Variants in COL12A1 observed in about 807,000 individuals in gnomAD.
COL12A1 encodes the protein collagen alpha-1(XII) chain.
Under a neutral mutation model 349.7 loss-of-function variants are expected in COL12A1, and 114 were observed. The observed-to-expected ratio is 0.33, with a 90% confidence interval of 0.28 to 0.38. The LOEUF is 0.38. Among genes scored for constraint, COL12A1 ranks in the 10% least tolerant of loss-of-function variants. COL12A1 has a pLI of 1.00. For missense variants in COL12A1, 3,284 were observed against 3,756.9 expected (o/e 0.87, Z 3.29); for synonymous variants, 1,369 against 1,329.0 (o/e 1.03, Z -0.66).
intron 49 of COL12A1, among the ~76,000 whole-genome samples, chr6:75,115,469 A>G (rs540418542): frequency 6.6e-6 from 1 of 152,178 alleles, no homozygotes; most frequent in African/African-American, 2.4e-5. Flanking sequence ...CCACAGAGAG[A>G]GATGTTCAAA....
chr6:75,165,887 A>G (rs1768273068), intron 13 of COL12A1, 108 bp from the exon 14 acceptor site: 3 of 1,122,594 alleles, frequency 2.7e-6, no homozygotes, highest in Non-Finnish European at 3.8e-6. Context: ...CTCACACTCA[A>G]TTTGTCTAAA....
rs1400428733 is a variant in COL12A1, at chr6:75,189,256, T to C, written c.784A>G (p.Arg262Gly). ...TCAACTCCAACATTACGAAGCTCTCTTGCTGGAATTTCCACTTCATCCTGG... is the reference window on the plus strand; with the variant it reads ...TCAACTCCAACATTACGAAGCTCTCCTGCTGGAATTTCCACTTCATCCTGG... ...KSQDEVEIPARELRNVGVEVF... is the reference protein window; with the variant it reads ...KSQDEVEIPAGELRNVGVEVF... The change falls in exon 7 of 66, where the codon AGA (arginine) becomes GGA (glycine). Residue 262 changes from arginine (R) to glycine (G), a missense_variant. Coordinates refer to ENST00000322507, the MANE Select transcript of COL12A1 (RefSeq NM_004370.6). 8 of 1,613,088 alleles carry C rather than the reference T, an allele frequency of 5.0e-6. No homozygotes were observed. The highest frequency in any genetic ancestry group is 6.8e-6 in the Non-Finnish European group (8 of 1,179,398).
intron 2 of COL12A1, among the ~76,000 whole-genome samples, chr6:75,197,455 G>A (rs983890295): frequency 1.3e-5 from 2 of 151,932 alleles, no homozygotes; most frequent in South Asian, 4.2e-4. Flanking sequence ...AAGGATTACA[G>A]GCGTGCTCCA....
rs756867394 is a variant in COL12A1, at chr6:75,131,014, C to T, written c.5938-33G>A. The T allele has an allele frequency of 1.9e-5, 30 of 1,613,628 alleles. 1 individual carries two copies. In the South Asian group the frequency reaches 3.3e-4, roughly 18 times the overall value. On this transcript the variant is annotated intron_variant, in intron 35 of 65. Coordinates refer to ENST00000322507, the MANE Select transcript of COL12A1 (RefSeq NM_004370.6). ...AGAGGAAATGCCAAATTCTGCCTGA[C>T]AACAACTCAAATGCTTACCAAGTCT... is the stretch of plus-strand genomic sequence containing the variant.
At position 75,134,804 on chromosome 6, in the gene COL12A1, C is replaced by T. The variant is rs754249017; in HGVS notation, c.5446G>A (p.Asp1816Asn). ...NSVVLQKLKPDTPYTITVSSL... is the reference protein window; with the variant it reads ...NSVVLQKLKPNTPYTITVSSL... Reference sequence around the variant, plus strand: ...GATACGGTGATAGTGTAAGGAGTGTCTGGCTTCAGTTTCTGCAGGACCACA... The same window carrying T: ...GATACGGTGATAGTGTAAGGAGTGTTTGGCTTCAGTTTCTGCAGGACCACA... The change falls in exon 32 of 66, where the codon GAC becomes AAC. Residue 1816 changes from aspartate to asparagine, a missense_variant. By Grantham distance (23) the Asp-to-Asn change is conservative. Transcript: ENST00000322507. 1.2e-6 allele frequency: 2 copies of T among 1,613,346 alleles called. No individual in the cohort carries two copies. Among genetic ancestry groups the T allele is most frequent in the Admixed American group, 1.7e-5 (1 of 59,996 alleles).
chr6:75,162,643 A>G (rs941054641), intron 14 of COL12A1, among the ~76,000 whole-genome samples: 2 of 152,232 alleles, frequency 1.3e-5, no homozygotes, highest in Admixed American at 6.5e-5. Context: ...ATGGCAATAA[A>G]AGCCAAAATA....
chr6:75,127,768 A>T (rs1015370876), intron 38 of COL12A1, among the ~76,000 whole-genome samples: 2 of 152,194 alleles, frequency 1.3e-5, no homozygotes, highest in Admixed American at 1.3e-4. Context: ...TACCACCAGT[A>T]TAGTGTAAAA....
chr6:75,191,048 A>T (rs187650683), intron 5 of COL12A1, among the ~76,000 whole-genome samples: 34 of 152,006 alleles, frequency 2.2e-4, no homozygotes, highest in African/African-American at 8.0e-4. Flanking sequence ...CCCCTTAAGG[A>T]TCTATCCCCA....
At chr6:75,115,690 A>C (rs1769040442) in intron 49 of COL12A1, 94 bp downstream of exon 49, 1 of 1,459,540 alleles carries the variant, frequency 6.9e-7, no homozygotes, top group South Asian at 1.4e-5. Context: ...TCTTCTGACA[A>C]TTCTAAAGTC....
chr6:75,189,232 C>T lies in COL12A1; in HGVS notation c.808G>A (p.Glu270Lys), dbSNP rs747534736. Residue 270 changes from glutamate (E) to lysine (K), a missense_variant, in exon 7 of 66, where the codon GAA becomes AAA. Physicochemically the swap from Glu to Lys is moderately conservative, Grantham distance 56. Transcript: ENST00000322507. ...CTTAACCTACCCAAGGAGAAAACTT[C>T]AACTCCAACATTACGAAGCTCTCTT... is the stretch of plus-strand genomic sequence containing the variant. ...PARELRNVGVEVFSLGIKAAD... is the reference protein window; with the variant it reads ...PARELRNVGVKVFSLGIKAAD... The T allele has an allele frequency of 4.3e-6, 7 of 1,612,782 alleles. No individual in the cohort carries two copies. Among genetic ancestry groups the T allele is most frequent in the Non-Finnish European group, 5.1e-6 (6 of 1,179,288 alleles).
chr6:75,136,440 T>C (rs1766612360), intron 31 of COL12A1, among the ~76,000 whole-genome samples: 1 of 152,202 alleles, frequency 6.6e-6, no homozygotes, highest in Non-Finnish European at 1.5e-5. Flanking sequence ...CTGATTCAGC[T>C]AAGCTTACTT....
At chr6:75,087,856 A>G (rs1767580697) in intron 64 of COL12A1, 109 bp from the exon 65 acceptor site, 1 of 1,137,626 alleles carries the variant, frequency 8.8e-7, no homozygotes. Context: ...TAGACAATTT[A>G]CTATTGTATG....
intron 8 of COL12A1, among the ~76,000 whole-genome samples, chr6:75,185,960 A>G (rs538990318): frequency 6.6e-6 from 1 of 152,324 alleles, no homozygotes; most frequent in South Asian, 2.1e-4. Flanking sequence ...ACAGACAAAA[A>G]TTAACTCAAG....
Position 75,152,186 on chromosome 6 carries a change from C to G in COL12A1, c.3780G>C (p.Lys1260Asn), listed in dbSNP as rs767422633. The change falls in exon 19 of 66, where the codon AAG becomes AAC. Residue 1260 changes from lysine (K) to asparagine (N), a missense_variant. Lys to Asn is a moderately conservative substitution (Grantham distance 94, BLOSUM62 0). Transcript: ENST00000322507. Reference sequence around the variant, plus strand: ...AGTTTGCCACAGCTTGCAACAAGCTCTTCTTGTCTCTGTGTGCATTTAACT... The same window carrying G: ...AGTTTGCCACAGCTTGCAACAAGCTGTTCTTGTCTCTGTGTGCATTTAACT... Reference protein sequence around the residue: ...EWQLNAHRDKKSLLQAVANLP... With the variant: ...EWQLNAHRDKNSLLQAVANLP... 4.3e-6 allele frequency: 7 copies of G among 1,613,818 alleles called. No individual in the cohort carries two copies. In the East Asian group the frequency reaches 1.6e-4, roughly 36 times the overall value.
chr6:75,100,574 T>C (rs1768260902), intron 58 of COL12A1, among the ~76,000 whole-genome samples: 1 of 151,992 alleles, frequency 6.6e-6, no homozygotes, highest in Non-Finnish European at 1.5e-5. Flanking sequence ...GAAAATACAG[T>C]TTTCTCTTTG....
chr6:75,115,764 C>T lies in COL12A1; in HGVS notation c.7697+20G>A, dbSNP rs756316116. On this transcript the variant is annotated intron_variant, in intron 49 of 65. Coordinates refer to ENST00000322507, the MANE Select transcript of COL12A1 (RefSeq NM_004370.6). The stretch of plus-strand genomic sequence containing the variant: ...TTTGCAGGTCTTAAGAAAAGGAAAA[C>T]CTCCTGTTGTCACACTTACGCTGTA... 2.5e-6 allele frequency: 4 copies of T among 1,573,822 alleles called. No homozygotes were observed. Among genetic ancestry groups the T allele is most frequent in the South Asian group, 1.2e-5 (1 of 84,882 alleles).
chr6:75,104,508 G>A (rs1006003178), intron 54 of COL12A1, among the ~76,000 whole-genome samples: 1 of 152,138 alleles, frequency 6.6e-6, no homozygotes, highest in African/African-American at 2.4e-5. Context: ...CTCCTCCTGT[G>A]TTAATTACAT....
chr6:75,163,312 C>A (rs919134510), intron 14 of COL12A1, among the ~76,000 whole-genome samples: 6 of 152,156 alleles, frequency 3.9e-5, no homozygotes, highest in Admixed American at 1.3e-4. Flanking sequence ...CACATATACA[C>A]CATGGAATAC....
At chr6:75,086,932 G>T (rs772534816) in intron 65 of COL12A1, among the ~76,000 whole-genome samples, 1 of 152,032 alleles carries the variant, frequency 6.6e-6, no homozygotes, top group Non-Finnish European at 1.5e-5. Context: ...GCTTGAGGGT[G>T]CAGTAATGAA....
Sources: gnomAD v4.1 joint callset for allele counts (sites outside exome capture counted in the v4.1 genomes callset) on GRCh38, gnomAD v4.1.1 for gene constraint, MANE v1.5 for transcripts, NCBI Gene and HGNC (gene_info 2026-07-23, HGNC 2026-07-21) for gene names.